Variants in TDRP observed in about 807,000 individuals in gnomAD.
TDRP encodes the protein testis development related protein, also known as testis development-related protein.
TDRP carries 12 observed loss-of-function variants against 10.5 expected under a neutral mutation model. That is an observed-to-expected ratio of 1.15 (90% CI 0.73 to 1.86). The LOEUF is 1.86. Among genes scored for constraint, TDRP ranks in the 40% most tolerant of loss-of-function variants. The pLI, the probability that TDRP is intolerant of heterozygous loss-of-function variation, is 0.00. For synonymous variants in TDRP, 139 were observed against 95.4 expected (o/e 1.46, Z -2.67); for missense variants, 353 against 229.2 (o/e 1.54, Z -3.49).
intron 1 of TDRP, among the ~76,000 whole-genome samples, chr8:517,452 C>T (rs950495624): frequency 1.2e-4 from 18 of 152,254 alleles, no homozygotes; most frequent in Non-Finnish European, 2.4e-4. Flanking sequence ...GAAGCCTCTA[C>T]CTGGAAGCTT....
At chr8:544,856 C>G (rs949455304), upstream of TDRP, 35 of 922,982 alleles carry the variant, frequency 3.8e-5, no homozygotes, top group Non-Finnish European at 4.9e-5. Context: ...CTGCGGGACG[C>G]GGGCCCAGTG....
intron 1 of TDRP, among the ~76,000 whole-genome samples, chr8:524,295 T>C (rs4735854): frequency 0.51 from 77,869 of 151,982 alleles, 20,496 homozygotes; most frequent in Non-Finnish European, 0.57. Context: ...CCAAGTCCCT[T>C]TGAATACTTG....
At chr8:524,116 T>C (rs58419316) in intron 1 of TDRP, among the ~76,000 whole-genome samples, 4,221 of 152,292 alleles carry the variant, frequency 0.028, 199 homozygotes, top group African/African-American at 0.097. Flanking sequence ...ACTCCATTTG[T>C]TCGGGAGAAA....
rs952740913 is a variant in TDRP at position 490,204 on chromosome 8, C to T, written c.*2195G>A. On this transcript the variant is annotated 3_prime_UTR_variant, in exon 3 of 3. Transcript: ENST00000324079. ...AGAAAAGATAATTTTTCTCCCAAAG[C>T]ACACCAATAAATATTTATATTAAAA... The T allele has an allele frequency of 1.3e-5, 2 of 152,116 alleles. No homozygotes were observed. The highest frequency in any genetic ancestry group is 2.9e-5 in the Non-Finnish European group (2 of 68,026). The allele number at this position is 152,116 out of a possible 1,614,324, so 9.4% of individuals were successfully genotyped here.
chr8:501,739 G>C (rs1401849643), intron 1 of TDRP, among the ~76,000 whole-genome samples: 1 of 152,144 alleles, frequency 6.6e-6, no homozygotes, highest in African/African-American at 2.4e-5. Context: ...TTCTCATCAG[G>C]AACACTGCAT....
chr8:530,030 G>A (rs1485394215), intron 1 of TDRP, among the ~76,000 whole-genome samples: 1 of 151,928 alleles, frequency 6.6e-6, no homozygotes, highest in Non-Finnish European at 1.5e-5. Flanking sequence ...TCAATGGTGT[G>A]CCATAAATCC....
chr8:521,473 A>G (rs1368769708), intron 1 of TDRP, among the ~76,000 whole-genome samples: 2 of 152,146 alleles, frequency 1.3e-5, no homozygotes, highest in African/African-American at 4.8e-5. Flanking sequence ...AGTTTTCCCA[A>G]CAGCATTTGT....
At chr8:520,676 G>C (rs1318430864) in intron 1 of TDRP, among the ~76,000 whole-genome samples, 1 of 152,128 alleles carries the variant, frequency 6.6e-6, no homozygotes, top group Non-Finnish European at 1.5e-5. Context: ...GTTTTGATTT[G>C]TATTTCCCTG....
intron 1 of TDRP, among the ~76,000 whole-genome samples, chr8:507,356 G>C (rs1801494515): frequency 6.6e-6 from 1 of 152,146 alleles, no homozygotes; most frequent in South Asian, 2.1e-4. Context: ...AAGAACTAGG[G>C]AATAAGACAG....
intron 1 of TDRP, among the ~76,000 whole-genome samples, chr8:533,120 G>A (rs749001161): frequency 1.3e-5 from 2 of 152,186 alleles, no homozygotes; most frequent in South Asian, 4.1e-4. Context: ...GTCTCCCCTT[G>A]TTCTTCCTGG....
At chr8:533,728 G>T (rs1442346128) in intron 1 of TDRP, among the ~76,000 whole-genome samples, 1 of 152,070 alleles carries the variant, frequency 6.6e-6, no homozygotes, top group African/African-American at 2.4e-5. Flanking sequence ...TCCTGTGTCA[G>T]TTCAACTGCT....
In TDRP at chr8:544,774, G is replaced by A. The variant is rs1055243079; in HGVS notation, c.-17C>T. 9.8e-6 allele frequency: 12 copies of A among 1,229,982 alleles called. No homozygotes were observed. The South Asian group carries it at 4.5e-4, about 46-fold the overall frequency. 76.2% of individuals were successfully genotyped at this position (1,229,982 alleles called of 1,614,324 possible). ...CTTCCACATGGTCAGGCGGGCTCCGGCGTCCCTCCGTCCGTGCGTCGGGCT... is the reference window on the plus strand; with the variant it reads ...CTTCCACATGGTCAGGCGGGCTCCGACGTCCCTCCGTCCGTGCGTCGGGCT... On this transcript the variant is annotated 5_prime_UTR_variant, in exon 1 of 3. Transcript: ENST00000324079.
intron 1 of TDRP, among the ~76,000 whole-genome samples, chr8:517,171 A>T (rs1461017305): frequency 6.6e-6 from 1 of 151,964 alleles, no homozygotes; most frequent in Non-Finnish European, 1.5e-5. Flanking sequence ...GACAGAAGGG[A>T]CTCTTTGCAT....
intron 1 of TDRP, among the ~76,000 whole-genome samples, chr8:527,948 G>A (rs542174696): frequency 1.3e-5 from 2 of 152,118 alleles, no homozygotes; most frequent in South Asian, 4.1e-4. Context: ...AGAGCAAAGG[G>A]ACCAATCAAC....
chr8:521,023 C>A (rs1025186410), intron 1 of TDRP, among the ~76,000 whole-genome samples: 11 of 152,148 alleles, frequency 7.2e-5, no homozygotes, highest in Non-Finnish European at 5.9e-5. Context: ...TGCCCTGAAC[C>A]TTTTCTCCCG....
At chr8:513,851 G>A (rs1054055045) in intron 1 of TDRP, among the ~76,000 whole-genome samples, 1 of 152,276 alleles carries the variant, frequency 6.6e-6, no homozygotes, top group African/African-American at 2.4e-5. Context: ...TTACACACCA[G>A]CAAGGAACAA....
Position 514,088 on chromosome 8 carries a change from G to C in TDRP, c.109-19491C>G, listed in dbSNP as rs145153814. On this transcript the variant is annotated intron_variant, in intron 1 of 2. Coordinates refer to ENST00000324079, the MANE Select transcript of TDRP (RefSeq NM_001384899.1). ...CAGCTGATTCTTTGTAAAAACTGAT[G>C]AGCTGACTCTAAGATGCATACAAAA... 7.9e-3 allele frequency among the ~76,000 whole-genome samples: 1,209 copies of C among 152,212 alleles called. 10 individuals carry two copies. Among genetic ancestry groups the C allele is most frequent in the Middle Eastern group, 0.014 (4 of 294 alleles).
At chr8:514,155 C>G (rs757643365) in intron 1 of TDRP, among the ~76,000 whole-genome samples, 10 of 152,104 alleles carry the variant, frequency 6.6e-5, no homozygotes, top group Non-Finnish European at 1.3e-4. Context: ...AAAAGAAGAT[C>G]AAAGTAAGAG....
At chr8:536,093 C>T (rs1032926269) in intron 1 of TDRP, among the ~76,000 whole-genome samples, 1 of 152,176 alleles carries the variant, frequency 6.6e-6, no homozygotes, top group African/African-American at 2.4e-5. Flanking sequence ...AAAATTTCAA[C>T]CTATTATTAA....
Sources: gnomAD v4.1 joint callset for allele counts (sites outside exome capture counted in the v4.1 genomes callset) on GRCh38, gnomAD v4.1.1 for gene constraint, MANE v1.5 for transcripts, NCBI Gene and HGNC (gene_info 2026-07-23, HGNC 2026-07-21) for gene names.